Variants in SRRM4 observed in about 807,000 individuals in gnomAD.
SRRM4 encodes serine/arginine repetitive matrix 4.
In SRRM4, 33 loss-of-function variants were observed where a neutral mutation model predicts 68.9. The ratio of observed to expected loss-of-function variants is 0.48; its 90% CI spans 0.36 to 0.64. The LOEUF (loss-of-function observed/expected upper bound fraction) is 0.64, where lower values mean the gene tolerates loss of function less well. Among genes scored for constraint, SRRM4 ranks in the 30% least tolerant of loss-of-function variants. The pLI, the probability that SRRM4 is intolerant of heterozygous loss-of-function variation, is 0.00. For synonymous variants in SRRM4, 318 were observed against 318.8 expected, an observed-to-expected ratio of 1.00 and a Z score of 0.03; for missense variants, 817 against 827.1, an observed-to-expected ratio of 0.99 and a Z score of 0.15.
At position 119,156,894 on chromosome 12, in the gene SRRM4, G is replaced by T. The variant is rs1418247907; in HGVS notation, c.*96G>T. 1.4e-6 allele frequency: 2 copies of T among 1,393,870 alleles called. No homozygotes were observed. The highest frequency in any genetic ancestry group is 1.4e-5 in the African/African-American group (1 of 69,008). 86.3% of individuals were successfully genotyped at this position (1,393,870 alleles called of 1,614,324 possible). ...GCCTTCTTGGTGACAAATAGTGAGG[G>T]CTCCTATACCTTGTCCTTCCTGCTT... is the stretch of plus-strand genomic sequence containing the variant. On this transcript the variant is annotated 3_prime_UTR_variant, in exon 13 of 13. Transcript: ENST00000267260.
At chr12:119,005,212 C>T (rs541241514) in intron 1 of SRRM4, among the ~76,000 whole-genome samples, 55 of 152,316 alleles carry the variant, frequency 3.6e-4, no homozygotes, top group African/African-American at 1.3e-3. Flanking sequence ...CTGTCCCAAC[C>T]CTGGAGAGGA....
Position 119,154,244 on chromosome 12 carries a change from G to C in SRRM4, c.1393G>C (p.Glu465Gln), listed in dbSNP as rs773754114. 24 of 1,602,482 alleles carry C rather than the reference G, an allele frequency of 1.5e-5. No individual in the cohort carries two copies. Among genetic ancestry groups the C allele is most frequent in the Non-Finnish European group, 1.9e-5 (22 of 1,173,926 alleles). The change falls in exon 12 of 13, where the codon GAG (glutamate) becomes CAG (glutamine). Residue 465 changes from glutamate (E) to glutamine (Q), a missense_variant and splice_region_variant. By Grantham distance (29) the Glu-to-Gln change is conservative (BLOSUM62 2). Transcript: ENST00000267260. This position sits in a 1 kb window ranked among gnomAD's most constrained non-coding sequence, Gnocchi z 4.7. ...CAGTAACCCCCCGCGCCCCTTCAGG[G>C]AGCGGGATCCCAAATACAGTGAGAA... ...PSYSRYSPSR[E>Q]RDPKYSEKDS...
intron 8 of SRRM4, among the ~76,000 whole-genome samples, chr12:119,137,041 T>G (rs1322662839): frequency 3.9e-5 from 6 of 152,148 alleles, no homozygotes; most frequent in Non-Finnish European, 8.8e-5. Context: ...TCCTAATTAG[T>G]GCACTAAGGA....
intron 8 of SRRM4, among the ~76,000 whole-genome samples, chr12:119,142,995 A>C (rs1954375504): frequency 6.6e-6 from 1 of 152,230 alleles, no homozygotes; most frequent in African/African-American, 2.4e-5. Context: ...ACTCCACCAG[A>C]GCAACCTTAT....
At chr12:119,020,935 G>A (rs1280250928) in intron 1 of SRRM4, among the ~76,000 whole-genome samples, 2 of 152,212 alleles carry the variant, frequency 1.3e-5, no homozygotes, top group Non-Finnish European at 2.9e-5. Flanking sequence ...CTTCTCGCCC[G>A]TAGAGGGCGC....
intron 1 of SRRM4, among the ~76,000 whole-genome samples, chr12:119,101,152 A>G (rs1210785899): frequency 6.6e-6 from 1 of 152,224 alleles, no homozygotes; most frequent in African/African-American, 2.4e-5. Flanking sequence ...GAGACATGCT[A>G]ATGCCTTTGA....
chr12:119,120,346 G>A (rs1020550110), intron 5 of SRRM4, 70 bp downstream of exon 5: 37 of 1,520,396 alleles, frequency 2.4e-5, no homozygotes, highest in Non-Finnish European at 3.1e-5. Context: ...CAGCTTCTAG[G>A]TCAGCCCTCA....
intron 6 of SRRM4, among the ~76,000 whole-genome samples, chr12:119,123,401 A>G (rs1377214770): frequency 6.6e-6 from 1 of 152,114 alleles, no homozygotes; most frequent in Non-Finnish European, 1.5e-5. Flanking sequence ...GCACAGATAG[A>G]GTACACGTTC....
intron 1 of SRRM4, among the ~76,000 whole-genome samples, chr12:119,065,562 C>T (rs183385662): frequency 1.1e-3 from 161 of 152,208 alleles, no homozygotes; most frequent in Non-Finnish European, 1.8e-3. Flanking sequence ...TAGTGAAACC[C>T]CGTCTCTACT....
At chr12:119,035,364 T>C (rs760098630) in intron 1 of SRRM4, among the ~76,000 whole-genome samples, 5 of 152,226 alleles carry the variant, frequency 3.3e-5, no homozygotes, top group African/African-American at 4.8e-5. Flanking sequence ...ACCAATGTGT[T>C]TGAGCATTTG....
rs377703674 is a variant in SRRM4, at chr12:118,997,307, C to T, written c.131+15294C>T. 5.6e-4 allele frequency among the ~76,000 whole-genome samples: 86 copies of T among 152,304 alleles called. 2 individuals carry two copies. In the South Asian group the frequency reaches 0.016, roughly 29 times the overall value. On this transcript the variant is annotated intron_variant, in intron 1 of 12. Coordinates refer to ENST00000267260, the MANE Select transcript of SRRM4 (RefSeq NM_194286.4). ...GGAGTGATTGAAAAGAGCCTTGTAA[C>T]GTAAAGGAGAACACAAGCCCAGTGA... is the stretch of plus-strand genomic sequence containing the variant.
At chr12:119,048,471 T>A (rs1288420760) in intron 1 of SRRM4, among the ~76,000 whole-genome samples, 2 of 152,198 alleles carry the variant, frequency 1.3e-5, no homozygotes. Flanking sequence ...ATCACTTGCC[T>A]GGGATACAGT....
chr12:119,088,526 G>A (rs1953993520), intron 1 of SRRM4, among the ~76,000 whole-genome samples: 1 of 152,150 alleles, frequency 6.6e-6, no homozygotes, highest in Non-Finnish European at 1.5e-5. Context: ...CAATACGTAA[G>A]GTATTATCAT....
chr12:119,030,813 C>CT (rs928766898), intron 1 of SRRM4, among the ~76,000 whole-genome samples: 12 of 152,016 alleles, frequency 7.9e-5, no homozygotes, highest in African/African-American at 2.9e-4. Context: ...GCTATTCGAC[C>CT]TTTTTTAACC....
intron 9 of SRRM4, 81 bp from the exon 10 acceptor site, chr12:119,150,936 G>T: frequency 7.3e-7 from 1 of 1,365,340 alleles, no homozygotes; most frequent in South Asian, 1.2e-5. Flanking sequence ...CCACAGCCTA[G>T]GCCAAGGTAG....
intron 1 of SRRM4, among the ~76,000 whole-genome samples, chr12:119,048,522 G>A (rs1430306545): frequency 6.6e-6 from 1 of 152,132 alleles, no homozygotes; most frequent in Admixed American, 6.5e-5. Context: ...TGGGGAACCT[G>A]AGGCAGGGAA....
intron 1 of SRRM4, among the ~76,000 whole-genome samples, chr12:119,065,029 T>C (rs1953836922): frequency 6.6e-6 from 1 of 152,176 alleles, no homozygotes; most frequent in African/African-American, 2.4e-5. Flanking sequence ...TGTTAACCTC[T>C]TTATATATAT....
rs891358530 is a variant in SRRM4 at position 119,106,652 on chromosome 12, T to C, written c.278+4270T>C. 2.6e-5 allele frequency among the ~76,000 whole-genome samples: 4 copies of C among 152,106 alleles called. No individual in the cohort carries two copies. The South Asian group carries it at 8.3e-4, about 32-fold the overall frequency. On this transcript the variant is annotated intron_variant, in intron 2 of 12. Transcript: ENST00000267260. ...TAGGAATGCTTGTGATTTTTGCACA[T>C]TGATTTTGTATCCCGAGACTTTGCT...
intron 1 of SRRM4, among the ~76,000 whole-genome samples, chr12:119,091,613 A>G (rs73211891): frequency 0.04 from 6,063 of 152,248 alleles, 136 homozygotes; most frequent in African/African-American, 0.057. Flanking sequence ...ATCTCATTTC[A>G]TTCTTGCAGC....
Sources: allele counts gnomAD v4.1 joint callset (sites outside exome capture counted in the v4.1 genomes callset), GRCh38; gene constraint gnomAD v4.1.1; non-coding constraint Gnocchi (gnomAD v3.1); transcripts MANE v1.5; gene names NCBI Gene and HGNC (gene_info 2026-07-23, HGNC 2026-07-21).